SND1: variants seen among roughly 807,000 people sequenced by gnomAD.
SND1 encodes staphylococcal nuclease and tudor domain containing 1.
SND1 carries 38 observed loss-of-function variants against 121.7 expected under a neutral mutation model. That is an observed-to-expected ratio of 0.31 (90% CI 0.24 to 0.41). The LOEUF (loss-of-function observed/expected upper bound fraction) is 0.41. Ranked by LOEUF, SND1 falls within the 10% of genes least tolerant of loss-of-function variation. The pLI is 1.00. For synonymous variants in SND1, 401 were observed against 447.4 expected, an observed-to-expected ratio of 0.90 and a Z score of 1.31; for missense variants, 868 against 1,184.6, an observed-to-expected ratio of 0.73 and a Z score of 3.92.
chr7:127,787,134 A>T (rs1347168952), intron 10 of SND1, among the ~76,000 whole-genome samples: 1 of 152,192 alleles, frequency 6.6e-6, no homozygotes, highest in African/African-American at 2.4e-5. Context: ...AACCTCTGGT[A>T]CATACTTTAA....
chr7:127,796,948 A>G (rs944587138), intron 10 of SND1, among the ~76,000 whole-genome samples: 1 of 133,922 alleles, frequency 7.5e-6, no homozygotes, highest in South Asian at 2.5e-4. Flanking sequence ...GCTGGAGTGC[A>G]GTGGCATGAT....
chr7:127,716,508 ATTGT>A (rs1796393508), intron 9 of SND1, among the ~76,000 whole-genome samples: 1 of 125,934 alleles, frequency 7.9e-6, no homozygotes, highest in Non-Finnish European at 1.7e-5. Context: ...TTTTTTTTGG[ATTGT>A]TTATTATTTA....
intron 16 of SND1, among the ~76,000 whole-genome samples, chr7:128,067,923 A>G (rs1204746425): frequency 6.6e-6 from 1 of 151,564 alleles, no homozygotes; most frequent in Admixed American, 6.6e-5. Flanking sequence ...TCTAGTCTCC[A>G]TTTCTTAATT....
chr7:128,036,266 G>A (rs1438441947), intron 16 of SND1, among the ~76,000 whole-genome samples: 3 of 152,174 alleles, frequency 2.0e-5, no homozygotes, highest in Non-Finnish European at 2.9e-5. Flanking sequence ...GGGACAACTA[G>A]CCATGAATTT....
intron 10 of SND1, among the ~76,000 whole-genome samples, chr7:127,792,326 A>T (rs939209680): frequency 1.3e-5 from 2 of 152,174 alleles, no homozygotes; most frequent in Admixed American, 6.5e-5. Context: ...AGTGTTGTTT[A>T]TCAAGAGAGG....
intron 18 of SND1, among the ~76,000 whole-genome samples, chr7:128,084,463 A>G (rs937794257): frequency 1.3e-5 from 2 of 152,196 alleles, no homozygotes; most frequent in Non-Finnish European, 2.9e-5. Context: ...CAGACTGGAG[A>G]GCTGAGATGG....
intron 15 of SND1, among the ~76,000 whole-genome samples, chr7:127,979,268 A>G (rs535724342): frequency 4.1e-4 from 62 of 152,302 alleles, no homozygotes; most frequent in African/African-American, 1.3e-3. Context: ...AAGAAACAGC[A>G]CTCGAACATA....
intron 12 of SND1, among the ~76,000 whole-genome samples, chr7:127,856,069 G>C (rs1799267269): frequency 1.3e-5 from 2 of 152,110 alleles, no homozygotes; most frequent in South Asian, 4.1e-4. Context: ...TTCCCCCTAA[G>C]TATTGAATGT....
At chr7:127,663,079 G>T (rs1012044250) in intron 1 of SND1, among the ~76,000 whole-genome samples, 3 of 151,454 alleles carry the variant, frequency 2.0e-5, no homozygotes, top group African/African-American at 4.9e-5. Context: ...TGGAGACGGG[G>T]TCTCCCTGTC....
intron 10 of SND1, among the ~76,000 whole-genome samples, chr7:127,802,888 C>G (rs1054947269): frequency 3.3e-5 from 5 of 152,174 alleles, no homozygotes; most frequent in African/African-American, 7.2e-5. Flanking sequence ...TTCTTTCATT[C>G]CTAACGTTCC....
chr7:127,913,692 G>C (rs1406877795), intron 14 of SND1, among the ~76,000 whole-genome samples: 2 of 152,170 alleles, frequency 1.3e-5, no homozygotes, highest in Admixed American at 1.3e-4. Flanking sequence ...TGAGGTGTGT[G>C]ATTGGATTGT....
At chr7:127,855,206 T>A (rs558938734) in intron 12 of SND1, among the ~76,000 whole-genome samples, 1 of 152,004 alleles carries the variant, frequency 6.6e-6, no homozygotes, top group Non-Finnish European at 1.5e-5. Flanking sequence ...GCAGCCTCAA[T>A]CTCTGTGGGC....
chr7:127,886,788 G>A (rs1799916942), intron 12 of SND1, among the ~76,000 whole-genome samples: 1 of 146,206 alleles, frequency 6.8e-6, no homozygotes, highest in South Asian at 2.1e-4. Flanking sequence ...CTAGCTAGTA[G>A]ATGCAGGCCA....
At chr7:128,053,913 C>CA (rs1466249294) in intron 16 of SND1, among the ~76,000 whole-genome samples, 9 of 152,066 alleles carry the variant, frequency 5.9e-5, no homozygotes, top group African/African-American at 2.2e-4. Context: ...GTGCAGCAGT[C>CA]AAAGCTTTAT....
Position 128,092,264 on chromosome 7 carries a change from T to C in SND1, c.*206T>C. On this transcript the variant is annotated 3_prime_UTR_variant, in exon 24 of 24. Transcript: ENST00000354725. The surrounding 1 kb of genome is among the most constrained non-coding windows in gnomAD (Gnocchi z 4.9). ...TGGGGCAGACCCTTGTCCTCTGGGA[T>C]GATGGGCACTGCTATCCACAGTCTC... 3.4e-6 allele frequency: 2 copies of C among 587,192 alleles called. No homozygotes were observed. Among genetic ancestry groups the C allele is most frequent in the Non-Finnish European group, 6.1e-6 (2 of 329,392 alleles). 36.4% of individuals were successfully genotyped at this position (587,192 alleles called of 1,614,324 possible).
chr7:127,792,624 G>C (rs186760075), intron 10 of SND1, among the ~76,000 whole-genome samples: 2 of 152,308 alleles, frequency 1.3e-5, no homozygotes, highest in Non-Finnish European at 2.9e-5. Flanking sequence ...TTTAGAGGGA[G>C]ACCATGTGAA....
At chr7:128,042,509 CAACAA>C (rs1792873728) in intron 16 of SND1, 1 of 152,368 alleles carries the variant, frequency 6.6e-6, no homozygotes, top group Admixed American at 6.5e-5. Flanking sequence ...ACCAACCAGC[CAACAA>C]ACTGGGGATG....
chr7:127,678,719 A>C (rs1587589537), intron 1 of SND1, among the ~76,000 whole-genome samples: 1 of 152,266 alleles, frequency 6.6e-6, no homozygotes, highest in Non-Finnish European at 1.5e-5. Flanking sequence ...AATTTTCAAG[A>C]GATGATTCTT....
At chr7:127,763,728 A>G (rs1797352020) in intron 10 of SND1, among the ~76,000 whole-genome samples, 1 of 152,246 alleles carries the variant, frequency 6.6e-6, no homozygotes, top group Middle Eastern at 3.4e-3. Flanking sequence ...AGTTTTTGGT[A>G]TCATTCTTAT....
Sources: allele counts gnomAD v4.1 joint callset (sites outside exome capture counted in the v4.1 genomes callset), GRCh38; gene constraint gnomAD v4.1.1; non-coding constraint Gnocchi (gnomAD v3.1); transcripts MANE v1.5; gene names NCBI Gene and HGNC (gene_info 2026-07-23, HGNC 2026-07-21).